The following ZNF804A variants were observed in gnomAD, a reference collection of about 807,000 sequenced individuals.
ZNF804A encodes the protein zinc finger protein 804A.
Under a neutral mutation model 16.5 loss-of-function variants are expected in ZNF804A, and 2 were observed. The ratio of observed to expected loss-of-function variants is 0.12; its 90% CI spans 0.05 to 0.38. The LOEUF (loss-of-function observed/expected upper bound fraction) is 0.38, where lower values mean the gene tolerates loss of function less well. Among genes scored for constraint, ZNF804A ranks in the 10% least tolerant of loss-of-function variants. The pLI, the probability that ZNF804A is intolerant of heterozygous loss-of-function variation, is 0.99. For synonymous variants in ZNF804A, 534 were observed against 489.6 expected (o/e 1.09, Z -1.20); for missense variants, 1,473 against 1,390.7 (o/e 1.06, Z -0.94).
chr2:184,853,325 T>C (rs1330948827), intron 1 of ZNF804A, among the ~76,000 whole-genome samples: 2 of 151,962 alleles, frequency 1.3e-5, no homozygotes, highest in African/African-American at 2.4e-5. Flanking sequence ...AACAGAACTT[T>C]GGTGGAATCT....
chr2:184,635,448 G>T (rs762542799), intron 1 of ZNF804A, among the ~76,000 whole-genome samples: 10 of 152,084 alleles, frequency 6.6e-5, no homozygotes, highest in Non-Finnish European at 1.5e-4. Flanking sequence ...TGCATAGACA[G>T]TCAGTATGGG....
chr2:184,611,688 C>A (rs1475770109), intron 1 of ZNF804A, among the ~76,000 whole-genome samples: 1 of 138,838 alleles, frequency 7.2e-6, no homozygotes, highest in African/African-American at 2.8e-5. Flanking sequence ...ATTTCCTCTT[C>A]TTTTCAAAAA....
At chr2:184,722,889 T>C (rs1239040100) in intron 1 of ZNF804A, among the ~76,000 whole-genome samples, 1 of 152,010 alleles carries the variant, frequency 6.6e-6, no homozygotes, top group African/African-American at 2.4e-5. Context: ...ATGTTAACGG[T>C]ATTTACCCTA....
chr2:184,705,908 GC>G (rs1253756570), intron 1 of ZNF804A, among the ~76,000 whole-genome samples: 1 of 152,044 alleles, frequency 6.6e-6, no homozygotes, highest in Non-Finnish European at 1.5e-5. Flanking sequence ...TGCTACCATG[GC>G]ACCTTTTTTT....
intron 1 of ZNF804A, among the ~76,000 whole-genome samples, chr2:184,843,929 A>G (rs1225135434): frequency 6.6e-6 from 1 of 151,800 alleles, no homozygotes; most frequent in Non-Finnish European, 1.5e-5. Flanking sequence ...AATGTTTTGT[A>G]TTTGTTGTAT....
intron 1 of ZNF804A, among the ~76,000 whole-genome samples, chr2:184,789,693 A>G (rs1231529241): frequency 6.6e-6 from 1 of 151,896 alleles, no homozygotes; most frequent in Non-Finnish European, 1.5e-5. Context: ...TACCTTTATT[A>G]TTTCTGATTA....
intron 1 of ZNF804A, among the ~76,000 whole-genome samples, chr2:184,709,183 C>A (rs79062611): frequency 2.0e-5 from 3 of 152,026 alleles, no homozygotes; most frequent in Non-Finnish European, 4.4e-5. Flanking sequence ...GGGTATACAA[C>A]AATCCTCCAC....
chr2:184,621,215 CT>C lies in ZNF804A; in HGVS notation c.111+22152del, dbSNP rs550914971. Reference sequence around the variant, plus strand: ...ATAACTTTCCAGATGAAATATATTTCTTTTTTTAACAACACTGGTAGATAAT... The same window carrying C: ...ATAACTTTCCAGATGAAATATATTTCTTTTTTAACAACACTGGTAGATAAT... On this transcript the variant is annotated intron_variant, in intron 1 of 3. Coordinates refer to ENST00000302277, the MANE Select transcript of ZNF804A (RefSeq NM_194250.2). Among the ~76,000 whole-genome samples, 573 of 151,596 alleles carry C rather than the reference CT, an allele frequency of 3.8e-3. 3 individuals carry two copies. The highest frequency in any genetic ancestry group is 0.013 in the African/African-American group (547 of 41,488).
At chr2:184,613,663 A>C (rs1464988625) in intron 1 of ZNF804A, among the ~76,000 whole-genome samples, 1 of 152,180 alleles carries the variant, frequency 6.6e-6, no homozygotes, top group East Asian at 1.9e-4. Context: ...ATAAGCTAAC[A>C]TAGCTGATAT....
At chr2:184,790,179 C>G (rs1694511433) in intron 1 of ZNF804A, among the ~76,000 whole-genome samples, 2 of 151,114 alleles carry the variant, frequency 1.3e-5, no homozygotes, top group South Asian at 2.1e-4. Context: ...CCACTGTGCT[C>G]TGAGAAAATA....
intron 2 of ZNF804A, among the ~76,000 whole-genome samples, chr2:184,886,852 C>T (rs1010789336): frequency 2.6e-5 from 4 of 152,228 alleles, no homozygotes; most frequent in African/African-American, 9.6e-5. Context: ...CCTCCTAGGC[C>T]TCCAGGCCTG....
At chr2:184,684,980 C>T (rs1692604632) in intron 1 of ZNF804A, among the ~76,000 whole-genome samples, 1 of 152,132 alleles carries the variant, frequency 6.6e-6, no homozygotes, top group African/African-American at 2.4e-5. Context: ...CTCACACCGG[C>T]TGGGCTTGTT....
chr2:184,821,571 A>T (rs566839618), intron 1 of ZNF804A, among the ~76,000 whole-genome samples: 47 of 152,280 alleles, frequency 3.1e-4, no homozygotes, highest in Admixed American at 3.1e-3. Flanking sequence ...ATAGGATCTA[A>T]TTAAACTAAA....
chr2:184,608,930 GA>G (rs1233719763), intron 1 of ZNF804A, among the ~76,000 whole-genome samples: 7 of 152,188 alleles, frequency 4.6e-5, no homozygotes, highest in Non-Finnish European at 8.8e-5. Context: ...GTTTTCAGGA[GA>G]AACAGGCTTC....
chr2:184,913,091 G>C (rs1685387238), intron 2 of ZNF804A, among the ~76,000 whole-genome samples: 1 of 151,844 alleles, frequency 6.6e-6, no homozygotes, highest in Non-Finnish European at 1.5e-5. Flanking sequence ...AATCAATTTT[G>C]AGCTAAGTTT....
At chr2:184,672,068 A>G (rs1692346178) in intron 1 of ZNF804A, among the ~76,000 whole-genome samples, 1 of 152,188 alleles carries the variant, frequency 6.6e-6, no homozygotes, top group South Asian at 2.1e-4. Flanking sequence ...CTGTGTGTCA[A>G]ACTTTCAAAT....
intron 1 of ZNF804A, among the ~76,000 whole-genome samples, chr2:184,718,965 T>A (rs1047291977): frequency 5.3e-5 from 8 of 152,080 alleles, no homozygotes; most frequent in African/African-American, 1.9e-4. Context: ...CCACATTACC[T>A]TGCCCTTCCC....
intron 1 of ZNF804A, among the ~76,000 whole-genome samples, chr2:184,758,347 G>C (rs992720728): frequency 2.7e-5 from 4 of 150,838 alleles, no homozygotes; most frequent in Non-Finnish European, 4.4e-5. Flanking sequence ...TTATGAAAAT[G>C]ATTACTAATA....
At chr2:184,818,006 T>C (rs532651245) in intron 1 of ZNF804A, among the ~76,000 whole-genome samples, 2 of 152,108 alleles carry the variant, frequency 1.3e-5, no homozygotes, top group East Asian at 3.9e-4. Flanking sequence ...CTAGGAGACC[T>C]TCCTCGAACT....
Sources: allele counts gnomAD v4.1 joint callset (sites outside exome capture counted in the v4.1 genomes callset), GRCh38; gene constraint gnomAD v4.1.1; transcripts MANE v1.5; gene names NCBI Gene and HGNC (gene_info 2026-07-23, HGNC 2026-07-21).